Variants in CDON observed in about 807,000 individuals in gnomAD.
The protein encoded by CDON is cell adhesion molecule-related/down-regulated by oncogenes.
Under a neutral mutation model 120.9 loss-of-function variants are expected in CDON, and 73 were observed. The ratio of observed to expected loss-of-function variants is 0.60; its 90% CI spans 0.50 to 0.73. The LOEUF (loss-of-function observed/expected upper bound fraction) is 0.73. CDON is among the 30% of genes least tolerant of loss of function. The pLI, the probability that CDON is intolerant of heterozygous loss-of-function variation, is 0.00. For synonymous variants in CDON, 566 were observed against 573.5 expected, an observed-to-expected ratio of 0.99 and a Z score of 0.19; for missense variants, 1,470 against 1,587.3, an observed-to-expected ratio of 0.93 and a Z score of 1.26.
In CDON at chr11:125,994,310, C is replaced by T. The variant is rs770564593; in HGVS notation, c.2624G>A (p.Ser875Asn). The T allele has an allele frequency of 1.1e-5, 18 of 1,598,924 alleles. No homozygotes were observed. The Admixed American group carries it at 3.0e-4, about 27-fold the overall frequency. ...YYRPTDSDNDSDYKRDVVEGS... is the reference protein window; with the variant it reads ...YYRPTDSDNDNDYKRDVVEGS... ...TTCTACAACATCCCTCTTGTAATCA[C>T]TGTCATTGTCACTATCTGTTGGTCG... Residue 875 changes from serine to asparagine, a missense_variant, in exon 14 of 20, where the codon AGT becomes AAT. Ser to Asn is a conservative substitution (Grantham distance 46). Transcript: ENST00000531738.
chr11:126,024,541 C>T (rs907984641), intron 1 of CDON, among the ~76,000 whole-genome samples: 3 of 152,064 alleles, frequency 2.0e-5, no homozygotes, highest in Non-Finnish European at 4.4e-5. Context: ...AAATAATAGC[C>T]CTGTTTACTG....
intron 16 of CDON, among the ~76,000 whole-genome samples, chr11:125,981,965 ATTTTCTTTTTTT>A (rs1274311883): frequency 4.6e-4 from 16 of 34,434 alleles, no homozygotes; most frequent in African/African-American, 1.1e-3. Context: ...AAGTGATTCT[ATTTTCTTTTTTT>A]TTTTTTTTTT....
chr11:125,993,872 C>T (rs905562943), intron 14 of CDON, among the ~76,000 whole-genome samples: 1 of 152,332 alleles, frequency 6.6e-6, no homozygotes, highest in South Asian at 2.1e-4. Context: ...ATTCCAATTT[C>T]TCAGCATCTC....
chr11:126,010,338 C>A lies in CDON; in HGVS notation c.1552+3G>T. Reference sequence around the variant, plus strand: ...CTAAAAATAAATAATAATGGCAACTCACCAACCATGAGAGATGCTTCTGCC... The same window carrying A: ...CTAAAAATAAATAATAATGGCAACTAACCAACCATGAGAGATGCTTCTGCC... On this transcript the variant is annotated splice_donor_region_variant and intron_variant, in intron 8 of 19. Transcript: ENST00000531738. 6.3e-7 allele frequency: 1 copy of A among 1,589,196 alleles called. No homozygotes were observed. Among genetic ancestry groups the A allele is most frequent in the South Asian group, 1.1e-5 (1 of 88,974 alleles).
rs141601784 is a variant in CDON, at chr11:126,011,788, C to G, written c.1199-1094G>C. Among the ~76,000 whole-genome samples the G allele has an allele frequency of 2.1e-3, 318 of 152,308 alleles. 3 individuals carry two copies. The highest frequency in any genetic ancestry group is 7.3e-3 in the African/African-American group (304 of 41,584). On this transcript the variant is annotated intron_variant, in intron 7 of 19. Coordinates refer to ENST00000531738, the MANE Select transcript of CDON (RefSeq NM_001378964.1). Reference sequence around the variant, plus strand: ...TAAAAAGTTTTACCCACAGATCATACATTCTTCAATGTTTTCTTGAAAACC... The same window carrying G: ...TAAAAAGTTTTACCCACAGATCATAGATTCTTCAATGTTTTCTTGAAAACC...
chr11:125,992,930 C>T (rs1591362766), intron 14 of CDON, among the ~76,000 whole-genome samples: 1 of 152,166 alleles, frequency 6.6e-6, no homozygotes. Context: ...GCCTTCCTCC[C>T]AAAGCAAGAA....
chr11:126,017,560 T>C (rs1363718074), intron 5 of CDON, among the ~76,000 whole-genome samples, 185 bp from the exon 6 acceptor site: 3 of 152,150 alleles, frequency 2.0e-5, no homozygotes, highest in African/African-American at 7.2e-5. Flanking sequence ...ACTTCTGAAT[T>C]GGCAGTTTGG....
rs566354589 is a variant in CDON, at chr11:125,984,607, G to A, written c.2774-514C>T. On this transcript the variant is annotated intron_variant, in intron 15 of 19. Transcript: ENST00000531738. Reference sequence around the variant, plus strand: ...AGCTACTGGGGAGGCTGAGGCAGGAGAATTGCTTGAAGCCGGGAGAAGGAG... The same window carrying A: ...AGCTACTGGGGAGGCTGAGGCAGGAAAATTGCTTGAAGCCGGGAGAAGGAG... Among the ~76,000 whole-genome samples the A allele has an allele frequency of 3.3e-5, 5 of 151,076 alleles. No individual in the cohort carries two copies. The South Asian group carries it at 8.3e-4, about 25-fold the overall frequency.
In CDON at chr11:126,003,924, C is replaced by T; in HGVS notation, c.2004G>A (p.Met668Ile). 1 of 1,614,160 alleles carries T rather than the reference C, an allele frequency of 6.2e-7. No individual in the cohort carries two copies. Among genetic ancestry groups the T allele is most frequent in the Non-Finnish European group, 8.5e-7 (1 of 1,180,022 alleles). The change falls in exon 10 of 20, where the codon ATG becomes ATA. Residue 668 changes from methionine (M) to isoleucine (I), a missense_variant. Met to Ile is a conservative substitution (Grantham distance 10, BLOSUM62 1). Coordinates refer to ENST00000531738, the MANE Select transcript of CDON (RefSeq NM_001378964.1). ...RSAAGEGQPA[M>I]LTFRTSKEKT... ...CACCTTTGCTGGTTCGGAAGGTAAG[C>T]ATGGCAGGTTGGCCTTCACCTGCTG...
rs1947438504 is a variant in CDON, at chr11:126,015,482, C to T, written c.957G>A (p.Gln319=). 3.1e-6 allele frequency: 5 copies of T among 1,614,024 alleles called. No homozygotes were observed. The highest frequency in any genetic ancestry group is 4.2e-6 in the Non-Finnish European group (5 of 1,179,974). ...LEHASISKGL[Q]DQIVSLGATV... The stretch of plus-strand genomic sequence containing the variant: ...TGGCACCCAGAGACACTATCTGATC[C>T]TGTAGTCCTTTAGAAATGGAAGCAT... Residue 319 remains glutamine, a synonymous_variant, in exon 7 of 20, where the codon CAG becomes CAA. Transcript: ENST00000531738.
intron 1 of CDON, among the ~76,000 whole-genome samples, chr11:126,049,782 G>A (rs889967133): frequency 6.6e-6 from 1 of 152,138 alleles, no homozygotes; most frequent in African/African-American, 2.4e-5. Context: ...AATATAATCG[G>A]CCCCATTTTG....
chr11:126,021,234 A>G lies in CDON; in HGVS notation c.349+14T>C, dbSNP rs745868761. 4.3e-6 allele frequency: 7 copies of G among 1,613,504 alleles called. No homozygotes were observed. In the Admixed American group the frequency reaches 1.2e-4, roughly 27 times the overall value. ...AAGAAAACCCATACCTAACAGGGAC[A>G]AAATTAAACTCACCTGCCACAGATA... is the stretch of plus-strand genomic sequence containing the variant. On this transcript the variant is annotated intron_variant, in intron 3 of 19. Coordinates refer to ENST00000531738, the MANE Select transcript of CDON (RefSeq NM_001378964.1).
chr11:125,966,660 G>A (rs1022402953), intron 18 of CDON, among the ~76,000 whole-genome samples: 25 of 151,924 alleles, frequency 1.6e-4, no homozygotes, highest in Admixed American at 1.0e-3. Context: ...AAATTACACC[G>A]ATCAATGCCA....
At chr11:126,041,188 TAAAA>T (rs562515383) in intron 1 of CDON, among the ~76,000 whole-genome samples, 1 of 94,094 alleles carries the variant, frequency 1.1e-5, no homozygotes. Flanking sequence ...TGAGACTGTC[TAAAA>T]AAAAAAAAAA....
At chr11:126,043,108 G>A (rs559032837) in intron 1 of CDON, among the ~76,000 whole-genome samples, 11 of 152,286 alleles carry the variant, frequency 7.2e-5, no homozygotes, top group African/African-American at 2.2e-4. Flanking sequence ...CTGGCTGTCC[G>A]CAACAAATCA....
Position 126,003,993 on chromosome 11 carries a change from C to T in CDON, c.1935G>A (p.Leu645=). Residue 645 remains leucine, a synonymous_variant, in exon 10 of 20, where the codon CTG becomes CTA. Transcript: ENST00000531738. ...GSENELHLAE[L]EPSSLYEVLM... ...AGACTTCATAAAGACTAGATGGCTC[C>T]AGCTCAGCTAAATGGAGCTCATTTT... 1 of 1,614,118 alleles carries T rather than the reference C, an allele frequency of 6.2e-7. No homozygotes were observed.
At chr11:125,971,924 T>C (rs1014057235) in intron 18 of CDON, among the ~76,000 whole-genome samples, 7 of 152,232 alleles carry the variant, frequency 4.6e-5, no homozygotes, top group African/African-American at 1.7e-4. Context: ...CAGAACTGCA[T>C]TACTGCCTTT....
chr11:126,021,541 T>A, intron 2 of CDON, 21 bp from the exon 3 acceptor site: 1 of 1,610,602 alleles, frequency 6.2e-7, no homozygotes, highest in Non-Finnish European at 8.5e-7. Context: ...ATATTCCCCA[T>A]ATGCAAAGAA....
At chr11:125,968,120 A>G (rs557531779) in intron 18 of CDON, among the ~76,000 whole-genome samples, 1 of 152,354 alleles carries the variant, frequency 6.6e-6, no homozygotes, top group East Asian at 1.9e-4. Context: ...ATGCATATAC[A>G]CATATTTGCC....
Sources: gnomAD v4.1 joint callset for allele counts (sites outside exome capture counted in the v4.1 genomes callset) on GRCh38, gnomAD v4.1.1 for gene constraint, MANE v1.5 for transcripts, NCBI Gene and HGNC (gene_info 2026-07-23, HGNC 2026-07-21) for gene names.